The following SEMA5A variants were observed in gnomAD, a reference collection of about 807,000 sequenced individuals.
SEMA5A encodes semaphorin-5A.
SEMA5A carries 55 observed loss-of-function variants against 135.5 expected under a neutral mutation model. That is an observed-to-expected ratio of 0.41 (90% CI 0.33 to 0.51). SEMA5A has a LOEUF of 0.51. Among genes scored for constraint, SEMA5A ranks in the 20% least tolerant of loss-of-function variants. The probability of loss-of-function intolerance (pLI) is 0.37; values close to 1 mark genes in which losing one functional copy is unlikely to be tolerated. For synonymous variants in SEMA5A, 580 were observed against 546.5 expected, an observed-to-expected ratio of 1.06 and a Z score of -0.85; for missense variants, 1,290 against 1,419.9, an observed-to-expected ratio of 0.91 and a Z score of 1.47.
intron 2 of SEMA5A, among the ~76,000 whole-genome samples, chr5:9,381,178 T>G (rs184495638): frequency 1.5e-3 from 231 of 152,314 alleles, no homozygotes; most frequent in Middle Eastern, 6.8e-3. Context: ...ATAAGACCAT[T>G]ATCACAATAG....
At chr5:9,337,260 G>A (rs1579368822) in intron 4 of SEMA5A, among the ~76,000 whole-genome samples, 1 of 152,196 alleles carries the variant, frequency 6.6e-6, no homozygotes, top group African/African-American at 2.4e-5. Context: ...AAGATCTCTG[G>A]ATCTCTAGAA....
chr5:9,326,135 A>T (rs1190921055), intron 4 of SEMA5A, among the ~76,000 whole-genome samples: 2 of 152,176 alleles, frequency 1.3e-5, no homozygotes, highest in Non-Finnish European at 2.9e-5. Flanking sequence ...TACTTTCCTC[A>T]CTGCAAGTTT....
At chr5:9,447,413 G>A (rs995736524) in intron 1 of SEMA5A, among the ~76,000 whole-genome samples, 3 of 152,148 alleles carry the variant, frequency 2.0e-5, no homozygotes, top group East Asian at 1.9e-4. Flanking sequence ...TAGAATGTTC[G>A]CTTCTTTGAA....
intron 5 of SEMA5A, among the ~76,000 whole-genome samples, chr5:9,290,502 T>C (rs140076931): frequency 1.1e-3 from 175 of 152,314 alleles, no homozygotes; most frequent in African/African-American, 4.1e-3. Context: ...CTATATTGCA[T>C]GAGTTTCTTT....
At chr5:9,173,220 T>A (rs1361895415) in intron 11 of SEMA5A, among the ~76,000 whole-genome samples, 1 of 152,004 alleles carries the variant, frequency 6.6e-6, no homozygotes, top group Non-Finnish European at 1.5e-5. Context: ...ATTCAGCATT[T>A]ATTTTGCACT....
chr5:9,282,633 C>T (rs763518093), intron 5 of SEMA5A, among the ~76,000 whole-genome samples: 4 of 152,120 alleles, frequency 2.6e-5, no homozygotes, highest in Non-Finnish European at 5.9e-5. Flanking sequence ...CAGAGGTTCA[C>T]GGAGGCATCA....
intron 1 of SEMA5A, among the ~76,000 whole-genome samples, chr5:9,492,395 G>C (rs1409232783): frequency 6.6e-6 from 1 of 152,188 alleles, no homozygotes; most frequent in Non-Finnish European, 1.5e-5. Flanking sequence ...TGTCACATCA[G>C]AGGGAGTTTT....
intron 1 of SEMA5A, among the ~76,000 whole-genome samples, chr5:9,499,202 T>C (rs1735459574): frequency 6.6e-6 from 1 of 152,218 alleles, no homozygotes; most frequent in Non-Finnish European, 1.5e-5. Flanking sequence ...CCAAGTCCTA[T>C]GCTCTTAAAA....
intron 2 of SEMA5A, among the ~76,000 whole-genome samples, chr5:9,430,211 C>T (rs1757809280): frequency 6.6e-6 from 1 of 152,122 alleles, no homozygotes; most frequent in Non-Finnish European, 1.5e-5. Flanking sequence ...GACTGGACTT[C>T]CCATTAATAA....
At chr5:9,235,611 G>A (rs1747864169) in intron 6 of SEMA5A, among the ~76,000 whole-genome samples, 1 of 150,342 alleles carries the variant, frequency 6.7e-6, no homozygotes, top group African/African-American at 2.4e-5. Flanking sequence ...GAGGGAAGGA[G>A]GGTGGGGCCC....
At chr5:9,520,813 A>G (rs1298682956) in intron 1 of SEMA5A, among the ~76,000 whole-genome samples, 1 of 152,198 alleles carries the variant, frequency 6.6e-6, no homozygotes, top group African/African-American at 2.4e-5. Context: ...CATCAAGGTC[A>G]TCCAAAACAA....
chr5:9,044,213 G>C (rs1437345628), intron 22 of SEMA5A, among the ~76,000 whole-genome samples, 160 bp downstream of exon 22: 2 of 152,182 alleles, frequency 1.3e-5, no homozygotes, highest in East Asian at 3.9e-4. Context: ...AGTTCTCCCA[G>C]CCACCTGAAG....
At chr5:9,292,416 C>A (rs1751129861) in intron 5 of SEMA5A, among the ~76,000 whole-genome samples, 1 of 152,138 alleles carries the variant, frequency 6.6e-6, no homozygotes. Context: ...GATTAAGTAA[C>A]TTGCCCGAGG....
At chr5:9,301,329 G>A (rs974821357) in intron 5 of SEMA5A, among the ~76,000 whole-genome samples, 18 of 152,328 alleles carry the variant, frequency 1.2e-4, no homozygotes, top group South Asian at 8.3e-4. Context: ...AATGTGCAAC[G>A]TCATTGAAAT....
chr5:9,108,075 G>T lies in SEMA5A; in HGVS notation c.2073+65C>A, dbSNP rs145690223. On this transcript the variant is annotated intron_variant, in intron 16 of 22. Transcript: ENST00000382496. ...ACATCTAGTGTGTGCAGAGAATTTTGTGTGTATTGAGTCTGTATTCCTGGT... is the reference window on the plus strand; with the variant it reads ...ACATCTAGTGTGTGCAGAGAATTTTTTGTGTATTGAGTCTGTATTCCTGGT... The T allele has an allele frequency of 5.1e-6, 8 of 1,554,618 alleles. No individual in the cohort carries two copies. The East Asian group carries it at 1.6e-4, about 31-fold the overall frequency.
At chr5:9,439,274 TC>T (rs1342545247) in intron 1 of SEMA5A, among the ~76,000 whole-genome samples, 2 of 152,178 alleles carry the variant, frequency 1.3e-5, no homozygotes, top group Non-Finnish European at 2.9e-5. Context: ...TTACACAACA[TC>T]ACTAATATCA....
At chr5:9,248,635 C>T (rs1277679078) in intron 5 of SEMA5A, among the ~76,000 whole-genome samples, 1 of 151,502 alleles carries the variant, frequency 6.6e-6, no homozygotes, top group Admixed American at 6.6e-5. Context: ...ATCTATTATT[C>T]AGGGAGCATC....
intron 2 of SEMA5A, among the ~76,000 whole-genome samples, chr5:9,387,662 G>A (rs1386972810): frequency 6.6e-6 from 1 of 152,182 alleles, no homozygotes; most frequent in African/African-American, 2.4e-5. Context: ...TCTTGCTGTT[G>A]TATCAGATAT....
chr5:9,071,804 T>A (rs188980109), intron 16 of SEMA5A, among the ~76,000 whole-genome samples: 1 of 152,236 alleles, frequency 6.6e-6, no homozygotes, highest in Non-Finnish European at 1.5e-5. Flanking sequence ...ATGGTTTCCA[T>A]ATGCATTTAT....
Sources: gnomAD v4.1 joint callset for allele counts (sites outside exome capture counted in the v4.1 genomes callset) on GRCh38, gnomAD v4.1.1 for gene constraint, MANE v1.5 for transcripts, NCBI Gene and HGNC (gene_info 2026-07-23, HGNC 2026-07-21) for gene names.